The following MAML1 variants were observed in gnomAD, a reference collection of about 807,000 sequenced individuals.
MAML1 encodes the protein mastermind like transcriptional coactivator 1.
In MAML1, 14 loss-of-function variants were observed where a neutral mutation model predicts 77.1. The observed-to-expected ratio is 0.18, with a 90% CI of 0.12 to 0.28. The LOEUF is 0.28. Ranked by LOEUF, MAML1 falls within the 10% of genes least tolerant of loss-of-function variation. The pLI, the probability that MAML1 is intolerant of heterozygous loss-of-function variation, is 1.00. For missense variants in MAML1, 1,217 were observed against 1,327.8 expected, an observed-to-expected ratio of 0.92 and a Z score of 1.30; for synonymous variants, 516 against 551.9, an observed-to-expected ratio of 0.93 and a Z score of 0.91.
Position 179,774,597 on chromosome 5 carries a change from C to A in MAML1, c.2771C>A (p.Pro924His). The change falls in exon 5 of 5, where the codon CCT (proline) becomes CAT (histidine). Residue 924 changes from proline to histidine, a missense_variant. Pro to His is a moderately conservative substitution (Grantham distance 77). Transcript: ENST00000292599. Reference protein sequence around the residue: ...APAPAPPPTAPQQGLPGLSPA... With the variant: ...APAPAPPPTAHQQGLPGLSPA... ...GCCCCAGCACCACCCCCAACAGCCC[C>A]TCAGCAGGGCTTGCCTGGCCTGAGC... 1 of 1,612,356 alleles carries A rather than the reference C, an allele frequency of 6.2e-7. No individual in the cohort carries two copies. Among genetic ancestry groups the A allele is most frequent in the Non-Finnish European group, 8.5e-7 (1 of 1,179,746 alleles).
intron 1 of MAML1, among the ~76,000 whole-genome samples, chr5:179,737,307 T>C (rs886744410): frequency 1.3e-5 from 2 of 152,186 alleles, no homozygotes; most frequent in Non-Finnish European, 1.5e-5. Context: ...TCCAAGTTAG[T>C]CTAGCTGAGC....
intron 1 of MAML1, among the ~76,000 whole-genome samples, chr5:179,739,986 C>T (rs72809782): frequency 0.024 from 3,599 of 152,218 alleles, 75 homozygotes; most frequent in Non-Finnish European, 0.037. Flanking sequence ...TTTTTGTTAA[C>T]TTTGTTATAA....
At chr5:179,748,020 A>C (rs1054806450) in intron 1 of MAML1, among the ~76,000 whole-genome samples, 1 of 152,088 alleles carries the variant, frequency 6.6e-6, no homozygotes, top group African/African-American at 2.4e-5. Flanking sequence ...GTTCATGGAT[A>C]TAACTAGATG....
rs1756146548 is a variant in MAML1, at chr5:179,776,925, G to A, written c.*2048G>A. On this transcript the variant is annotated 3_prime_UTR_variant, in exon 5 of 5. Transcript: ENST00000292599. ...TTCTGTGCACAGCCCCGTCTTCCAG[G>A]AGCCACAACTCAGAAGAAAAGGGTG... The A allele has an allele frequency of 1.8e-5, 18 of 985,896 alleles. No individual in the cohort carries two copies. In the South Asian group the frequency reaches 8.5e-4, roughly 46 times the overall value. 61.1% of individuals were successfully genotyped at this position (985,896 alleles called of 1,614,324 possible).
chr5:179,751,010 T>A (rs1779478253), intron 1 of MAML1, among the ~76,000 whole-genome samples: 1 of 152,044 alleles, frequency 6.6e-6, no homozygotes, highest in South Asian at 2.1e-4. Context: ...AATCTCGCTC[T>A]GTCACCAGGC....
intron 2 of MAML1, among the ~76,000 whole-genome samples, chr5:179,768,425 C>A (rs1199542859): frequency 6.6e-6 from 1 of 152,188 alleles, no homozygotes; most frequent in Non-Finnish European, 1.5e-5. Flanking sequence ...CCATTGCACT[C>A]CAGCCTGGGC....
intron 1 of MAML1, among the ~76,000 whole-genome samples, chr5:179,753,656 T>TATTA (rs67206463): frequency 1.0e-3 from 97 of 95,910 alleles, no homozygotes; most frequent in African/African-American, 3.1e-3. Context: ...TTATTATTAT[T>TATTA]TTTTTTTTTT....
Position 179,765,843 on chromosome 5 carries a change from A to G in MAML1, c.833A>G (p.Lys278Arg). 6.2e-7 allele frequency: 1 copy of G among 1,614,210 alleles called. No individual in the cohort carries two copies. Among genetic ancestry groups the G allele is most frequent in the Non-Finnish European group, 8.5e-7 (1 of 1,180,040 alleles). The change falls in exon 2 of 5, where the codon AAG becomes AGG. Residue 278 changes from lysine to arginine, a missense_variant. Lys to Arg is a conservative substitution (Grantham distance 26, BLOSUM62 2). Transcript: ENST00000292599. Reference protein sequence around the residue: ...KDLFNEDFEEKKDPESSGSAT... With the variant: ...KDLFNEDFEERKDPESSGSAT... ...CTGTTTAATGAGGACTTCGAGGAGA[A>G]GAAGGACCCAGAGTCTTCTGGCTCT...
At chr5:179,739,484 T>G (rs1243893595) in intron 1 of MAML1, among the ~76,000 whole-genome samples, 1 of 152,204 alleles carries the variant, frequency 6.6e-6, no homozygotes, top group Non-Finnish European at 1.5e-5. Flanking sequence ...GGTGGATTTC[T>G]TGAGCCCAGG....
At position 179,771,043 on chromosome 5, in the gene MAML1, AGTAAC is replaced by A; in HGVS notation, c.1972-103_1972-99del. On this transcript the variant is annotated intron_variant, in intron 3 of 4. Coordinates refer to ENST00000292599, the MANE Select transcript of MAML1 (RefSeq NM_014757.5). This position sits in a 1 kb window ranked among gnomAD's most constrained non-coding sequence, Gnocchi z 4.7. ...CTATTTCCACAGGAGCCCATTTGTG[AGTAAC>A]AAACTTGGATAAGTTACTTTTCTCT... The A allele has an allele frequency of 2.5e-6, 2 of 795,016 alleles. No individual in the cohort carries two copies. Among genetic ancestry groups the A allele is most frequent in the Non-Finnish European group, 4.4e-6 (2 of 455,420 alleles). 49.2% of individuals were successfully genotyped at this position (795,016 alleles called of 1,614,324 possible). A position where few individuals can be genotyped will look rare whatever the true frequency, so the allele number is the denominator to read the frequency against.
At chr5:179,754,003 G>A (rs904577100) in intron 1 of MAML1, among the ~76,000 whole-genome samples, 2 of 151,960 alleles carry the variant, frequency 1.3e-5, no homozygotes, top group African/African-American at 4.8e-5. Flanking sequence ...GTAAAATTGG[G>A]CTGGGCACAA....
rs753016394 is a variant in MAML1 at position 179,765,410 on chromosome 5, T to C, written c.400T>C (p.Phe134Leu). The C allele has an allele frequency of 1.2e-6, 2 of 1,614,194 alleles. No individual in the cohort carries two copies. The highest frequency in any genetic ancestry group is 2.2e-5 in the South Asian group (2 of 91,086). Reference sequence around the variant, plus strand: ...TCAACAGAATGGCTACGGGGACCTCTTTCCTGGGCATAAGAAGACTCGCCG... The same window carrying C: ...TCAACAGAATGGCTACGGGGACCTCCTTCCTGGGCATAAGAAGACTCGCCG... ...GDQQNGYGDL[F>L]PGHKKTRREA... is the part of the protein sequence containing the mutation. Residue 134 changes from phenylalanine to leucine, a missense_variant, in exon 2 of 5, where the codon TTT becomes CTT. Transcript: ENST00000292599.
At chr5:179,767,301 A>G (rs1210823761) in intron 2 of MAML1, among the ~76,000 whole-genome samples, 1 of 152,172 alleles carries the variant, frequency 6.6e-6, no homozygotes, top group East Asian at 1.9e-4. Flanking sequence ...TAGTGCAGAT[A>G]AGCCTGCAGT....
At chr5:179,755,578 A>G (rs1779594902) in intron 1 of MAML1, among the ~76,000 whole-genome samples, 1 of 151,356 alleles carries the variant, frequency 6.6e-6, no homozygotes, top group Non-Finnish European at 1.5e-5. Context: ...TTGGAGAGAA[A>G]ACACTGCAGA....
Position 179,776,704 on chromosome 5 carries a change from C to G in MAML1, c.*1827C>G. ...TCCTGACCCCATCTGGCTGCTGCCC[C>G]GTCTCCCACCCCTGTCCCCGGGGCT... On this transcript the variant is annotated 3_prime_UTR_variant, in exon 5 of 5. Transcript: ENST00000292599. 1 of 985,924 alleles carries G rather than the reference C, an allele frequency of 1.0e-6. No homozygotes were observed. Among genetic ancestry groups the G allele is most frequent in the Non-Finnish European group, 1.2e-6 (1 of 830,016 alleles). The allele number at this position is 985,924 out of a possible 1,614,324, so 61.1% of individuals were successfully genotyped here. A position where few individuals can be genotyped will look rare whatever the true frequency, so the allele number is the denominator to read the frequency against.
chr5:179,736,875 C>T (rs1779180788), intron 1 of MAML1, among the ~76,000 whole-genome samples: 1 of 151,282 alleles, frequency 6.6e-6, no homozygotes, highest in Non-Finnish European at 1.5e-5. Flanking sequence ...GGAGGAGAAT[C>T]GCTGGAACCT....
rs1756071948 is a variant in MAML1 at position 179,774,137 on chromosome 5, C to G, written c.2311C>G (p.Pro771Ala). ...SGITQIVAQP[P>A]PQATNGHAHI... ...CATAACCCAGATAGTTGCCCAGCCC[C>G]CGCCACAGGCCACCAATGGACATGC... Residue 771 changes from proline (P) to alanine (A), a missense_variant, in exon 5 of 5, where the codon CCG becomes GCG. Pro to Ala is a conservative substitution (Grantham distance 27). Around this residue, in one of 3 missense-constraint regions of MAML1, gnomAD observed 884 missense variants for 949.3 expected, o/e 0.93. Coordinates refer to ENST00000292599, the MANE Select transcript of MAML1 (RefSeq NM_014757.5). The G allele has an allele frequency of 1.2e-6, 2 of 1,613,502 alleles. No homozygotes were observed. The highest frequency in any genetic ancestry group is 2.7e-5 in the African/African-American group (2 of 74,938).
At chr5:179,770,642 A>G (rs1452541099) in intron 3 of MAML1, among the ~76,000 whole-genome samples, 1 of 152,186 alleles carries the variant, frequency 6.6e-6, no homozygotes, top group Non-Finnish European at 1.5e-5. Flanking sequence ...TGCTATGAAC[A>G]TTCATGTACA....
rs1354336654 is a variant in MAML1 at position 179,765,370 on chromosome 5, C to G, written c.360C>G (p.Ser120=). Residue 120 remains serine (S), a synonymous_variant, in exon 2 of 5, where the codon TCC becomes TCG. Transcript: ENST00000292599. ...TVKRNLDSAT[S]PQNGDQQNGY... Reference sequence around the variant, plus strand: ...AGAGGAATCTTGACAGCGCCACTTCCCCTCAGAATGGCGATCAACAGAATG... The same window carrying G: ...AGAGGAATCTTGACAGCGCCACTTCGCCTCAGAATGGCGATCAACAGAATG... The G allele has an allele frequency of 6.8e-6, 11 of 1,610,824 alleles. No homozygotes were observed. In the East Asian group the frequency reaches 2.5e-4, roughly 36 times the overall value.
Sources: gnomAD v4.1 joint callset for allele counts (sites outside exome capture counted in the v4.1 genomes callset) on GRCh38, gnomAD v4.1.1 for gene constraint, gnomAD v4.1.1 regional missense constraint, Gnocchi (gnomAD v3.1) non-coding constraint, MANE v1.5 for transcripts, NCBI Gene and HGNC (gene_info 2026-07-23, HGNC 2026-07-21) for gene names.